GLRB: variants seen among roughly 807,000 people sequenced by gnomAD.
GLRB encodes the protein glycine receptor subunit beta.
In GLRB, 33 loss-of-function variants were observed where a neutral mutation model predicts 54.2. That is an observed-to-expected ratio of 0.61 (90% CI 0.46 to 0.81). The LOEUF (loss-of-function observed/expected upper bound fraction) is 0.81, where lower values mean the gene tolerates loss of function less well. Ranked by LOEUF, GLRB falls within the 40% of genes least tolerant of loss-of-function variation. The probability of loss-of-function intolerance (pLI) is 0.00; values close to 1 mark genes in which losing one functional copy is unlikely to be tolerated. For missense variants in GLRB, 572 were observed against 584.6 expected (o/e 0.98, Z 0.22); for synonymous variants, 209 against 208.2 (o/e 1.00, Z -0.03).
intron 2 of GLRB, among the ~76,000 whole-genome samples, chr4:157,111,765 C>T (rs1345140717): frequency 2.6e-5 from 4 of 151,922 alleles, no homozygotes; most frequent in Admixed American, 1.3e-4. Context: ...TATGCAGTCC[C>T]TCATTCATTT....
intron 2 of GLRB, among the ~76,000 whole-genome samples, chr4:157,101,000 A>C (rs1020788764): frequency 2.6e-5 from 4 of 152,072 alleles, no homozygotes; most frequent in Admixed American, 1.3e-4. Flanking sequence ...GTAGACACTT[A>C]CTAAACATTT....
intron 8 of GLRB, among the ~76,000 whole-genome samples, chr4:157,152,367 C>T (rs1737053792): frequency 1.3e-5 from 2 of 152,054 alleles, no homozygotes; most frequent in East Asian, 1.9e-4. Context: ...AAATAACATA[C>T]ATAATCTGTC....
At chr4:157,157,067 A>G (rs1049458706) in intron 9 of GLRB, among the ~76,000 whole-genome samples, 21 of 152,066 alleles carry the variant, frequency 1.4e-4, no homozygotes, top group African/African-American at 5.1e-4. Flanking sequence ...CCAGTTCCCC[A>G]TGTTGTCTCT....
At chr4:157,170,271 C>A (rs1001297287) in intron 9 of GLRB, among the ~76,000 whole-genome samples, 161 bp from the exon 10 acceptor site, 2 of 152,090 alleles carry the variant, frequency 1.3e-5, no homozygotes, top group Non-Finnish European at 2.9e-5. Context: ...AATGCTCAGG[C>A]AATCTGATGG....
At chr4:157,107,171 C>T (rs561429635) in intron 2 of GLRB, among the ~76,000 whole-genome samples, 1 of 152,082 alleles carries the variant, frequency 6.6e-6, no homozygotes, top group South Asian at 2.1e-4. Flanking sequence ...TTTTCATCTC[C>T]CTCCCTCTCC....
intron 2 of GLRB, among the ~76,000 whole-genome samples, chr4:157,097,623 A>G (rs961831772): frequency 2.0e-5 from 3 of 152,206 alleles, no homozygotes; most frequent in Non-Finnish European, 4.4e-5. Flanking sequence ...TTGAGTTCCA[A>G]CATTCAGCAA....
chr4:157,079,936 T>C (rs1734167440), intron 2 of GLRB, among the ~76,000 whole-genome samples: 1 of 152,182 alleles, frequency 6.6e-6, no homozygotes, highest in Admixed American at 6.5e-5. Flanking sequence ...TGGGTTTCTG[T>C]ATCTGAGCAA....
chr4:157,095,028 A>G (rs1734752818), intron 2 of GLRB, among the ~76,000 whole-genome samples: 1 of 152,222 alleles, frequency 6.6e-6, no homozygotes, highest in Admixed American at 6.5e-5. Context: ...TCAGCACCAC[A>G]TAGATTGGAG....
At chr4:157,122,472 A>T in intron 4 of GLRB, 75 bp downstream of exon 4, 1 of 609,818 alleles carries the variant, frequency 1.6e-6, no homozygotes, top group Admixed American at 2.3e-5. Flanking sequence ...TTAAAATTGA[A>T]CAATAAGGAG....
chr4:157,114,546 T>G (rs1735537810), intron 2 of GLRB, among the ~76,000 whole-genome samples: 1 of 151,848 alleles, frequency 6.6e-6, no homozygotes, highest in Admixed American at 6.6e-5. Context: ...CCATTCTTTA[T>G]TCAGACCTCT....
At chr4:157,121,330 C>T (rs191374160) in intron 3 of GLRB, among the ~76,000 whole-genome samples, 335 of 151,574 alleles carry the variant, frequency 2.2e-3, no homozygotes, top group African/African-American at 7.8e-3. Context: ...GTTGTAGAGA[C>T]CTTTTTTGTA....
chr4:157,126,909 T>C (rs1462388687), intron 4 of GLRB, among the ~76,000 whole-genome samples: 3 of 151,860 alleles, frequency 2.0e-5, no homozygotes, highest in Non-Finnish European at 2.9e-5. Flanking sequence ...CTTTCTTTAG[T>C]TTAGGCATCC....
At chr4:157,126,878 C>T (rs1448379375) in intron 4 of GLRB, among the ~76,000 whole-genome samples, 1 of 151,756 alleles carries the variant, frequency 6.6e-6, no homozygotes, top group Admixed American at 6.6e-5. Context: ...GAAATAAAAG[C>T]CTGTTTATAC....
At chr4:157,108,583 C>A (rs1320689382) in intron 2 of GLRB, among the ~76,000 whole-genome samples, 1 of 152,032 alleles carries the variant, frequency 6.6e-6, no homozygotes, top group African/African-American at 2.4e-5. Context: ...AAAACTTGAA[C>A]AGAAGATGCA....
intron 2 of GLRB, among the ~76,000 whole-genome samples, chr4:157,096,733 G>T (rs1196319055): frequency 2.6e-5 from 4 of 152,158 alleles, no homozygotes; most frequent in Non-Finnish European, 5.9e-5. Context: ...TAGTCTTCTT[G>T]TCTCTGTATT....
At chr4:157,167,463 G>A (rs1474688951) in intron 9 of GLRB, among the ~76,000 whole-genome samples, 1 of 152,226 alleles carries the variant, frequency 6.6e-6, no homozygotes, top group Non-Finnish European at 1.5e-5. Context: ...GAGTGTGCAA[G>A]TCTGTGTGTG....
intron 2 of GLRB, among the ~76,000 whole-genome samples, chr4:157,120,024 A>T (rs1464307706): frequency 6.6e-6 from 1 of 151,814 alleles, no homozygotes; most frequent in Non-Finnish European, 1.5e-5. Context: ...AAAATGTGGC[A>T]CATATACACC....
Position 157,112,815 on chromosome 4 carries a change from C to T in GLRB, c.123-7741C>T, listed in dbSNP as rs188073708. ...TTCAGCCAAAGGCTATTCCAGAAGA[C>T]ACTCAGCTCTGAACTGTAGGCAGCC... On this transcript the variant is annotated intron_variant, in intron 2 of 9. Coordinates refer to ENST00000264428, the MANE Select transcript of GLRB (RefSeq NM_000824.5). 1.8e-4 allele frequency among the ~76,000 whole-genome samples: 28 copies of T among 152,082 alleles called. No homozygotes were observed. In the East Asian group the frequency reaches 4.3e-3, roughly 23 times the overall value.
intron 4 of GLRB, among the ~76,000 whole-genome samples, chr4:157,131,856 A>G (rs562056191): frequency 7.2e-5 from 11 of 151,972 alleles, no homozygotes; most frequent in African/African-American, 2.4e-4. Context: ...TCAATTATGA[A>G]TAAAACTACA....
Sources: allele counts gnomAD v4.1 joint callset (sites outside exome capture counted in the v4.1 genomes callset), GRCh38; gene constraint gnomAD v4.1.1; transcripts MANE v1.5; gene names NCBI Gene and HGNC (gene_info 2026-07-23, HGNC 2026-07-21).